The following SLC35D4 variants were observed in gnomAD, a reference collection of about 807,000 sequenced individuals.
SLC35D4 encodes UDP-N-acetylglucosamine transporter SLC35D4.
At chr18:23,294,388 C>A in the SLC35D4 span, among the ~76,000 whole-genome samples, 2 of 152,144 alleles carry the variant, frequency 1.3e-5, no homozygotes, top group South Asian at 4.2e-4. Context: ...GCTCATCCTT[C>A]ATTCAGCGCT....
At chr18:23,240,951 A>G in the SLC35D4 span, among the ~76,000 whole-genome samples, 5 of 152,228 alleles carry the variant, frequency 3.3e-5, no homozygotes, top group African/African-American at 1.2e-4. Context: ...GTTTGTTTGA[A>G]GTGTGCATTT....
the SLC35D4 span, among the ~76,000 whole-genome samples, chr18:23,435,737 C>A: frequency 6.6e-6 from 1 of 152,270 alleles, no homozygotes; most frequent in Non-Finnish European, 1.5e-5. Context: ...CTCTATTGCC[C>A]AGGCTGCAGG....
the SLC35D4 span, among the ~76,000 whole-genome samples, chr18:23,427,101 G>A: frequency 1.3e-5 from 2 of 152,164 alleles, no homozygotes; most frequent in Admixed American, 1.3e-4. Context: ...TCAGGACATA[G>A]GCATGGGCAA....
the SLC35D4 span, among the ~76,000 whole-genome samples, chr18:23,373,157 T>C: frequency 4.0e-5 from 6 of 151,858 alleles, no homozygotes; most frequent in South Asian, 1.2e-3. Flanking sequence ...GTACTAAAAA[T>C]ACAAAAAATT....
the SLC35D4 span, among the ~76,000 whole-genome samples, chr18:23,426,320 C>G: frequency 6.6e-6 from 1 of 152,056 alleles, no homozygotes; most frequent in Non-Finnish European, 1.5e-5. Context: ...TGATGGACAA[C>G]AGGTTGAGCT....
At chr18:23,363,743 T>A in the SLC35D4 span, among the ~76,000 whole-genome samples, 6 of 152,150 alleles carry the variant, frequency 3.9e-5, no homozygotes, top group African/African-American at 1.4e-4. Context: ...GGCAGCTACC[T>A]GGCTGCATAA....
the SLC35D4 span, among the ~76,000 whole-genome samples, chr18:23,276,244 C>T: frequency 1.3e-5 from 2 of 151,990 alleles, no homozygotes; most frequent in South Asian, 2.1e-4. Context: ...CCCACCAAAA[C>T]GTCCGGCTAA....
chr18:23,404,992 C>CAAA, the SLC35D4 span, among the ~76,000 whole-genome samples: 56 of 44,432 alleles, frequency 1.3e-3, no homozygotes, highest in Non-Finnish European at 1.8e-3. Context: ...GACTCCGTCT[C>CAAA]AAAAAAAAAA....
the SLC35D4 span, among the ~76,000 whole-genome samples, chr18:23,273,313 G>T: frequency 6.6e-6 from 1 of 152,144 alleles, no homozygotes; most frequent in Admixed American, 6.5e-5. Context: ...ACTGCAAAAA[G>T]AAGGAAGGAG....
chr18:23,415,320 T>C, the SLC35D4 span, among the ~76,000 whole-genome samples: 1 of 152,180 alleles, frequency 6.6e-6, no homozygotes, highest in Admixed American at 6.5e-5. Flanking sequence ...CACAAAGGTA[T>C]TGTAGCATAA....
the SLC35D4 span, among the ~76,000 whole-genome samples, chr18:23,330,557 C>T: frequency 1.3e-5 from 2 of 152,120 alleles, no homozygotes; most frequent in Non-Finnish European, 2.9e-5. Context: ...GAAACCACGC[C>T]ATTTGCATTT....
the SLC35D4 span, among the ~76,000 whole-genome samples, chr18:23,372,172 G>A: frequency 3.3e-5 from 5 of 151,292 alleles, no homozygotes; most frequent in African/African-American, 7.3e-5. Flanking sequence ...TCCTGACCTC[G>A]TGATCCGCCC....
At chr18:23,423,957 CA>C in the SLC35D4 span, among the ~76,000 whole-genome samples, 9 of 152,152 alleles carry the variant, frequency 5.9e-5, no homozygotes, top group Non-Finnish European at 1.3e-4. Flanking sequence ...GCTGGGACTT[CA>C]AACTGGGGAC....
At chr18:23,268,713 C>G in the SLC35D4 span, among the ~76,000 whole-genome samples, 1 of 152,056 alleles carries the variant, frequency 6.6e-6, no homozygotes, top group Non-Finnish European at 1.5e-5. Context: ...CCCCGTGTTG[C>G]AGGTCCACAA....
the SLC35D4 span, among the ~76,000 whole-genome samples, chr18:23,406,000 C>T: frequency 4.3e-3 from 657 of 152,272 alleles, 4 homozygotes; most frequent in Non-Finnish European, 7.4e-3. Flanking sequence ...TTTGTCATCT[C>T]CTGAAATATT....
At chr18:23,403,651 G>A in the SLC35D4 span, among the ~76,000 whole-genome samples, 1 of 152,218 alleles carries the variant, frequency 6.6e-6, no homozygotes, top group South Asian at 2.1e-4. Context: ...AGGGTTAGGG[G>A]TGGTGCATTA....
chr18:23,430,902 T>C, the SLC35D4 span, among the ~76,000 whole-genome samples: 1 of 152,030 alleles, frequency 6.6e-6, no homozygotes, highest in Non-Finnish European at 1.5e-5. Flanking sequence ...ATGCCTGTAA[T>C]CCCAGCACTT....
chr18:23,410,905 C>G, the SLC35D4 span, among the ~76,000 whole-genome samples: 1 of 152,168 alleles, frequency 6.6e-6, no homozygotes, highest in Non-Finnish European at 1.5e-5. Context: ...TCTAGGATAG[C>G]CAGAGGCCTG....
the SLC35D4 span, among the ~76,000 whole-genome samples, chr18:23,399,290 C>T: frequency 6.6e-6 from 1 of 152,220 alleles, no homozygotes; most frequent in African/African-American, 2.4e-5. Flanking sequence ...CTCTGCCCAT[C>T]TCCACGGGGA....
Sources: allele counts gnomAD v4.1 joint callset (sites outside exome capture counted in the v4.1 genomes callset), GRCh38; gene constraint gnomAD v4.1.1; transcripts MANE v1.5; gene names NCBI Gene and HGNC (gene_info 2026-07-23, HGNC 2026-07-21).